Variants in FGF14 observed in about 807,000 individuals in gnomAD.
FGF14 encodes the protein fibroblast growth factor homologous factor 4.
A neutral mutation model predicts 25.5 loss-of-function variants in FGF14; 5 were observed. The ratio of observed to expected loss-of-function variants is 0.20; its 90% CI spans 0.10 to 0.41. The LOEUF (loss-of-function observed/expected upper bound fraction) is 0.41, where lower values mean the gene tolerates loss of function less well. Ranked by LOEUF, FGF14 falls within the 10% of genes least tolerant of loss-of-function variation. FGF14 has a pLI of 1.00. For missense variants in FGF14, 222 were observed against 320.1 expected, an observed-to-expected ratio of 0.69 and a Z score of 2.34; for synonymous variants, 138 against 118.3, an observed-to-expected ratio of 1.17 and a Z score of -1.08.
intron 3 of FGF14, among the ~76,000 whole-genome samples, chr13:101,854,532 C>A (rs1182139281): frequency 6.6e-6 from 1 of 152,030 alleles, no homozygotes; most frequent in African/African-American, 2.4e-5. Flanking sequence ...TAATTGCCAC[C>A]ATTCTGTCAA....
chr13:102,154,836 G>GAA (rs1003163375), intron 1 of FGF14, among the ~76,000 whole-genome samples: 2 of 144,092 alleles, frequency 1.4e-5, no homozygotes, highest in African/African-American at 2.5e-5. Flanking sequence ...CAAGCAAATG[G>GAA]AAAAAAAAAA....
At chr13:101,934,093 GAAGAT>G (rs1306204226) in intron 1 of FGF14, among the ~76,000 whole-genome samples, 1 of 152,154 alleles carries the variant, frequency 6.6e-6, no homozygotes, top group African/African-American at 2.4e-5. Flanking sequence ...AAAATAATGG[GAAGAT>G]AAGAAACATT....
At chr13:101,940,501 A>C (rs1307595834) in intron 1 of FGF14, among the ~76,000 whole-genome samples, 1 of 152,184 alleles carries the variant, frequency 6.6e-6, no homozygotes, top group Non-Finnish European at 1.5e-5. Flanking sequence ...GCTCGCCTTG[A>C]GGCTTTTGTA....
intron 1 of FGF14, among the ~76,000 whole-genome samples, chr13:102,318,398 G>A (rs1041452261): frequency 3.9e-5 from 6 of 152,254 alleles, no homozygotes; most frequent in Admixed American, 6.5e-5. Context: ...CATCAGCTGC[G>A]TGGCCTAAAC....
chr13:101,916,065 A>C (rs1272051769), intron 1 of FGF14, among the ~76,000 whole-genome samples: 1 of 152,204 alleles, frequency 6.6e-6, no homozygotes, highest in East Asian at 1.9e-4. Context: ...CCACCAGCTC[A>C]GATCAGACTG....
intron 3 of FGF14, chr13:101,868,420 A>T (rs186574315): frequency 2.1e-4 from 52 of 245,798 alleles, no homozygotes; most frequent in Non-Finnish European, 3.0e-4. Context: ...ACATTATAAG[A>T]AACTCTCTAA....
chr13:101,861,894 C>T (rs189105942), intron 3 of FGF14, among the ~76,000 whole-genome samples: 1 of 152,284 alleles, frequency 6.6e-6, no homozygotes, highest in East Asian at 1.9e-4. Flanking sequence ...CTCATTCTCA[C>T]TGTCACCAGT....
At chr13:102,095,222 C>G (rs766916475) in intron 1 of FGF14, among the ~76,000 whole-genome samples, 1 of 152,036 alleles carries the variant, frequency 6.6e-6, no homozygotes, top group Non-Finnish European at 1.5e-5. Flanking sequence ...GAAAAAAAGT[C>G]AGGATGAAGG....
At chr13:102,213,567 T>C (rs914653383) in intron 1 of FGF14, among the ~76,000 whole-genome samples, 2 of 152,240 alleles carry the variant, frequency 1.3e-5, no homozygotes, top group African/African-American at 4.8e-5. Context: ...AGAAAGTTCT[T>C]TGGAAACCTT....
intron 1 of FGF14, among the ~76,000 whole-genome samples, chr13:101,879,637 T>C (rs2045589233): frequency 6.6e-6 from 1 of 152,190 alleles, no homozygotes; most frequent in South Asian, 2.1e-4. Flanking sequence ...TGTTTTTCTG[T>C]AGCAAATACA....
intron 1 of FGF14, among the ~76,000 whole-genome samples, chr13:102,345,643 T>C (rs2057084358): frequency 6.6e-6 from 1 of 152,250 alleles, no homozygotes; most frequent in Admixed American, 6.5e-5. Context: ...CATGTGGCCA[T>C]GGCTCCTACG....
chr13:102,321,491 T>C (rs2056242765), intron 1 of FGF14, among the ~76,000 whole-genome samples: 1 of 152,314 alleles, frequency 6.6e-6, no homozygotes, highest in Middle Eastern at 3.4e-3. Context: ...CAAATTTTCA[T>C]TTATCCATAT....
At chr13:102,190,056 A>T (rs905389978) in intron 1 of FGF14, among the ~76,000 whole-genome samples, 3 of 152,164 alleles carry the variant, frequency 2.0e-5, no homozygotes, top group African/African-American at 4.8e-5. Context: ...CATCCAAAAC[A>T]TATCACATGT....
At chr13:102,072,305 C>A (rs1369890081) in intron 1 of FGF14, among the ~76,000 whole-genome samples, 1 of 152,118 alleles carries the variant, frequency 6.6e-6, no homozygotes, top group Non-Finnish European at 1.5e-5. Flanking sequence ...TCTTTAGAAT[C>A]TTTCCCAGAA....
chr13:102,104,627 C>A (rs143582571), intron 1 of FGF14, among the ~76,000 whole-genome samples: 2 of 151,990 alleles, frequency 1.3e-5, no homozygotes, highest in African/African-American at 4.8e-5. Flanking sequence ...AATACACACA[C>A]ACACACAAAT....
chr13:101,910,253 A>G (rs1758563807), intron 1 of FGF14, among the ~76,000 whole-genome samples: 1 of 149,516 alleles, frequency 6.7e-6, no homozygotes, highest in Admixed American at 6.6e-5. Flanking sequence ...AAAAATAAAT[A>G]AAATAAAAAG....
chr13:102,003,001 G>A (rs2039581450), intron 1 of FGF14: 1 of 152,160 alleles, frequency 6.6e-6, no homozygotes. Context: ...GTCACAGAAT[G>A]ACAGGCTTGG....
At chr13:101,983,015 C>A (rs991779971) in intron 1 of FGF14, among the ~76,000 whole-genome samples, 10 of 152,182 alleles carry the variant, frequency 6.6e-5, no homozygotes, top group African/African-American at 2.4e-4. Flanking sequence ...TGGAAACAAT[C>A]TACCAGATGC....
At chr13:102,343,515 A>T (rs1397726456) in intron 1 of FGF14, among the ~76,000 whole-genome samples, 1 of 152,198 alleles carries the variant, frequency 6.6e-6, no homozygotes, top group Non-Finnish European at 1.5e-5. Flanking sequence ...TTCACCACTA[A>T]AGGGCTTTAC....
Sources: allele counts gnomAD v4.1 joint callset (sites outside exome capture counted in the v4.1 genomes callset), GRCh38; gene constraint gnomAD v4.1.1; transcripts MANE v1.5; gene names NCBI Gene and HGNC (gene_info 2026-07-23, HGNC 2026-07-21).